Variants in SYNPO2 observed in about 807,000 individuals in gnomAD.
SYNPO2 encodes the protein synaptopodin-2.
In SYNPO2, 56 loss-of-function variants were observed where a neutral mutation model predicts 85.0. The observed-to-expected ratio is 0.66, with a 90% confidence interval of 0.53 to 0.82. SYNPO2 has a LOEUF of 0.82. SYNPO2 is among the 40% of genes least tolerant of loss of function. The pLI, the probability that SYNPO2 is intolerant of heterozygous loss-of-function variation, is 0.00. For missense variants in SYNPO2, 1,575 were observed against 1,534.2 expected (o/e 1.03, Z -0.44); for synonymous variants, 602 against 591.1 (o/e 1.02, Z -0.27).
At chr4:118,861,640 A>G (rs1048317294) in intron 1 of SYNPO2, among the ~76,000 whole-genome samples, 1 of 152,170 alleles carries the variant, frequency 6.6e-6, no homozygotes, top group Non-Finnish European at 1.5e-5. Flanking sequence ...TTTGTCGAAA[A>G]TGAGTTCACT....
At chr4:118,910,426 T>G (rs563694179) in intron 1 of SYNPO2, among the ~76,000 whole-genome samples, 1 of 152,256 alleles carries the variant, frequency 6.6e-6, no homozygotes, top group Non-Finnish European at 1.5e-5. Context: ...ATTTCCATTT[T>G]TACAGCTTTC....
intron 1 of SYNPO2, among the ~76,000 whole-genome samples, chr4:118,946,440 G>A (rs1325634570): frequency 8.0e-6 from 1 of 124,846 alleles, no homozygotes; most frequent in Non-Finnish European, 1.8e-5. Flanking sequence ...GGAAAGGTCA[G>A]TGAGAGTCTT....
chr4:118,883,071 T>C lies in SYNPO2; in HGVS notation c.12+32131T>C, dbSNP rs1449671373. Among the ~76,000 whole-genome samples, 3 of 152,054 alleles carry C rather than the reference T, an allele frequency of 2.0e-5. No individual in the cohort carries two copies. The East Asian group carries it at 5.8e-4, about 29-fold the overall frequency. ...CCACCGCGCCCCGCCTGTTTTTTTTTTTTTTAAAGGCCTTTTAATAAGCAG... is the reference window on the plus strand; with the variant it reads ...CCACCGCGCCCCGCCTGTTTTTTTTCTTTTTAAAGGCCTTTTAATAAGCAG... On this transcript the variant is annotated intron_variant, in intron 1 of 4. Transcript: ENST00000610556.
At chr4:118,991,942 C>T (rs1028664368) in intron 1 of SYNPO2, among the ~76,000 whole-genome samples, 2 of 152,044 alleles carry the variant, frequency 1.3e-5, no homozygotes, top group African/African-American at 2.4e-5. Context: ...TAATGGAGTT[C>T]GACTGGAAAG....
chr4:118,900,693 CTCTCTCTCTCTATATATATATA>C (rs1442295888), intron 1 of SYNPO2, among the ~76,000 whole-genome samples: 22 of 49,956 alleles, frequency 4.4e-4, no homozygotes, highest in South Asian at 1.7e-3. Context: ...CTCTCTCTCT[CTCTCTCTCTCTATATATATATA>C]TATATATATA....
chr4:119,031,841 G>T lies in SYNPO2; in HGVS notation c.3066G>T (p.Ser1022=). The stretch of plus-strand genomic sequence containing the variant: ...CCTCACCTACGAATGTGCAGGCTTC[G>T]TCAGTGTACTCGGTACCAGCCTATA... ...NAASPTNVQA[S]SVYSVPAYTS... Residue 1022 remains serine, a synonymous_variant, in exon 4 of 5, where the codon TCG becomes TCT. Transcript: ENST00000307142. The T allele has an allele frequency of 6.2e-7, 1 of 1,614,192 alleles. No individual in the cohort carries two copies. Among genetic ancestry groups the T allele is most frequent in the African/African-American group, 1.3e-5 (1 of 75,056 alleles).
chr4:119,010,415 C>A (rs1737248146), intron 1 of SYNPO2, among the ~76,000 whole-genome samples: 1 of 152,144 alleles, frequency 6.6e-6, no homozygotes, highest in African/African-American at 2.4e-5. Context: ...AAACCCCTGA[C>A]AAAACCATCA....
chr4:118,898,020 G>A (rs185989955), intron 1 of SYNPO2, among the ~76,000 whole-genome samples: 48 of 152,126 alleles, frequency 3.2e-4, no homozygotes, highest in Non-Finnish European at 5.7e-4. Flanking sequence ...AATAGAAGTA[G>A]GCTAGAAACA....
intron 1 of SYNPO2, among the ~76,000 whole-genome samples, chr4:118,865,562 G>C (rs1206453360): frequency 6.6e-6 from 1 of 152,166 alleles, no homozygotes; most frequent in African/African-American, 2.4e-5. Flanking sequence ...CAGTGTCAAG[G>C]GTTATGACTG....
At chr4:118,902,893 G>A (rs1185756524) in intron 1 of SYNPO2, among the ~76,000 whole-genome samples, 1 of 152,012 alleles carries the variant, frequency 6.6e-6, no homozygotes, top group Non-Finnish European at 1.5e-5. Flanking sequence ...GCAAAGAAGA[G>A]TTTTGCTGTA....
At chr4:118,906,343 G>A (rs1732937770) in intron 1 of SYNPO2, among the ~76,000 whole-genome samples, 2 of 152,184 alleles carry the variant, frequency 1.3e-5, no homozygotes, top group South Asian at 4.1e-4. Context: ...AAGAGCTTCA[G>A]TGGAAAGACT....
chr4:119,033,472 G>A, intron 4 of SYNPO2: 1 of 985,366 alleles, frequency 1.0e-6, no homozygotes, highest in Non-Finnish European at 1.2e-6. Flanking sequence ...TCTATTTTAA[G>A]TCTGAGTCTG....
At chr4:119,038,676 G>A (rs1209977263) in intron 4 of SYNPO2, among the ~76,000 whole-genome samples, 2 of 152,112 alleles carry the variant, frequency 1.3e-5, no homozygotes, top group African/African-American at 2.4e-5. Flanking sequence ...TAACGCTGAG[G>A]GAGTCACAAG....
At position 118,900,703 on chromosome 4, in the gene SYNPO2, C is replaced by CTCTCTCTA. The variant is rs1277981772; in HGVS notation, c.105+11563_105+11564insCTCTCTAT. On this transcript the variant is annotated intron_variant, in intron 1 of 4. Transcript: ENST00000307142. ...TCTCTCTCTCTCTCTCTCTCTCTCT[C>CTCTCTCTA]TATATATATATATATATATATATAT... 2.5e-3 allele frequency among the ~76,000 whole-genome samples: 111 copies of CTCTCTCTA among 43,866 alleles called. 1 individual carries two copies. The highest frequency in any genetic ancestry group is 3.8e-3 in the Admixed American group (13 of 3,424). The allele number at this position is 43,866 out of a possible 152,430, so 28.8% of individuals were successfully genotyped here. A position where few individuals can be genotyped will look rare whatever the true frequency, so the allele number is the denominator to read the frequency against.
chr4:118,901,297 G>A (rs1028982689), intron 1 of SYNPO2, among the ~76,000 whole-genome samples: 3 of 152,184 alleles, frequency 2.0e-5, no homozygotes, highest in African/African-American at 7.2e-5. Context: ...CTGCTCAGAT[G>A]TTAGTTTTTA....
At chr4:118,924,071 C>T (rs865973006) in intron 1 of SYNPO2, among the ~76,000 whole-genome samples, 7 of 152,162 alleles carry the variant, frequency 4.6e-5, no homozygotes, top group Non-Finnish European at 8.8e-5. Flanking sequence ...CAGATTTACA[C>T]ATCTGTCAGT....
chr4:119,035,900 C>T, intron 4 of SYNPO2: 2 of 984,650 alleles, frequency 2.0e-6, no homozygotes, highest in Non-Finnish European at 2.4e-6. Context: ...TTTGCAGTTA[C>T]AAGGTTAAAG....
chr4:118,956,392 T>C (rs1476679507), intron 1 of SYNPO2, among the ~76,000 whole-genome samples: 1 of 152,140 alleles, frequency 6.6e-6, no homozygotes, highest in African/African-American at 2.4e-5. Context: ...GTTCCAAAAG[T>C]TGCAGGAAGA....
intron 1 of SYNPO2, among the ~76,000 whole-genome samples, chr4:118,927,737 T>TGG (rs1560874106): frequency 4.7e-5 from 7 of 149,344 alleles, no homozygotes; most frequent in African/African-American, 1.5e-4. Flanking sequence ...GATAGATAGA[T>TGG]AGATAGATAG....
Sources: allele counts gnomAD v4.1 joint callset (sites outside exome capture counted in the v4.1 genomes callset), GRCh38; gene constraint gnomAD v4.1.1; transcripts MANE v1.5; gene names NCBI Gene and HGNC (gene_info 2026-07-23, HGNC 2026-07-21).